The following TTLL11 variants were observed in gnomAD, a reference collection of about 807,000 sequenced individuals.
TTLL11 encodes tubulin polyglutamylase TTLL11.
A neutral mutation model predicts 51.7 loss-of-function variants in TTLL11; 42 were observed. The observed-to-expected ratio is 0.81, with a 90% CI of 0.64 to 1.05. The LOEUF is 1.05. Among genes scored for constraint, TTLL11 ranks in the 50% least tolerant of loss-of-function variants. The pLI is 0.00. For missense variants in TTLL11, 799 were observed against 940.4 expected, an observed-to-expected ratio of 0.85 and a Z score of 1.97; for synonymous variants, 381 against 383.5, an observed-to-expected ratio of 0.99 and a Z score of 0.08.
intron 8 of TTLL11, among the ~76,000 whole-genome samples, chr9:121,850,886 C>T (rs1323834245): frequency 4.6e-5 from 7 of 152,182 alleles, no homozygotes; most frequent in Non-Finnish European, 7.3e-5. Flanking sequence ...ACAAAACCCA[C>T]GCACGAATGT....
At chr9:121,969,438 G>A (rs887541089) in intron 6 of TTLL11, among the ~76,000 whole-genome samples, 8 of 152,064 alleles carry the variant, frequency 5.3e-5, no homozygotes, top group African/African-American at 1.9e-4. Flanking sequence ...AGAGTTCAGG[G>A]AGATGCATGA....
intron 8 of TTLL11, among the ~76,000 whole-genome samples, chr9:121,839,418 G>A (rs773113103): frequency 2.0e-5 from 3 of 152,118 alleles, no homozygotes; most frequent in Non-Finnish European, 1.5e-5. Context: ...TACACATTGC[G>A]GGGTGATCTT....
rs895092396 is a variant in TTLL11, at chr9:121,821,312, C to A, written c.*1275G>T. 5.9e-5 allele frequency among the ~76,000 whole-genome samples: 9 copies of A among 152,132 alleles called. No homozygotes were observed. The highest frequency in any genetic ancestry group is 2.2e-4 in the African/African-American group (9 of 41,414). ...CAGAACCCTCCCTTGCCACGCACTA[C>A]GAGCATTTTCTGAGTCCTACAGTGC... On this transcript the variant is annotated 3_prime_UTR_variant, in exon 9 of 9. Transcript: ENST00000321582. This position sits in a 1 kb window ranked among gnomAD's most constrained non-coding sequence, Gnocchi z 5.0.
At chr9:121,826,183 C>CATATAT (rs1564259884) in intron 8 of TTLL11, among the ~76,000 whole-genome samples, 18 of 3,948 alleles carry the variant, frequency 4.6e-3, no homozygotes, top group East Asian at 0.029. Flanking sequence ...TAACCAGTAA[C>CATATAT]CTATATATAT....
intron 6 of TTLL11, among the ~76,000 whole-genome samples, chr9:121,899,620 T>A (rs1162181313): frequency 6.6e-6 from 1 of 151,812 alleles, no homozygotes; most frequent in African/African-American, 2.4e-5. Context: ...CCCAGGCTGG[T>A]CTTGAACTCC....
intron 3 of TTLL11, among the ~76,000 whole-genome samples, chr9:122,003,351 T>C (rs1309334207): frequency 6.6e-6 from 1 of 152,012 alleles, no homozygotes; most frequent in Non-Finnish European, 1.5e-5. Context: ...TAATGTCATA[T>C]ATAAGATATG....
intron 1 of TTLL11, among the ~76,000 whole-genome samples, chr9:122,061,847 A>G (rs1845441820): frequency 1.3e-5 from 2 of 152,148 alleles, no homozygotes; most frequent in Non-Finnish European, 2.9e-5. Flanking sequence ...CACATTGGCC[A>G]GGCTGGTCTT....
chr9:121,828,455 A>G (rs1836893692), intron 8 of TTLL11, among the ~76,000 whole-genome samples: 1 of 152,166 alleles, frequency 6.6e-6, no homozygotes, highest in Non-Finnish European at 1.5e-5. Flanking sequence ...TATTACAGGC[A>G]TGAGCCACCA....
intron 4 of TTLL11, among the ~76,000 whole-genome samples, chr9:121,983,378 G>T (rs1021265100): frequency 1.3e-5 from 2 of 152,192 alleles, no homozygotes; most frequent in Non-Finnish European, 2.9e-5. Context: ...CCAATCTGGA[G>T]CTCAAGGAAA....
chr9:121,859,329 G>GA (rs5900501), intron 8 of TTLL11, among the ~76,000 whole-genome samples: 56 of 142,378 alleles, frequency 3.9e-4, no homozygotes, highest in Non-Finnish European at 3.7e-4. Context: ...TGTCTCTACT[G>GA]AAAAAAAAAA....
chr9:121,846,419 A>G (rs1355227581), intron 8 of TTLL11, among the ~76,000 whole-genome samples: 1 of 152,242 alleles, frequency 6.6e-6, no homozygotes, highest in Non-Finnish European at 1.5e-5. Context: ...TAGCAGCACC[A>G]TCAATCAACT....
intron 6 of TTLL11, among the ~76,000 whole-genome samples, chr9:121,876,515 T>C (rs1838571980): frequency 6.6e-6 from 1 of 152,144 alleles, no homozygotes; most frequent in Non-Finnish European, 1.5e-5. Flanking sequence ...GGCAGTGTGA[T>C]GATGAGTGAG....
rs546105988 is a variant in TTLL11 at position 122,053,930 on chromosome 9, C to G, written c.463-14562G>C. On this transcript the variant is annotated intron_variant, in intron 1 of 8. Coordinates refer to ENST00000321582, the MANE Select transcript of TTLL11 (RefSeq NM_001139442.2). Reference sequence around the variant, plus strand: ...CGCCGTCTGGCTCCAGTGGGTTTCCCGGGAACACAATAATTACTCATCCTC... The same window carrying G: ...CGCCGTCTGGCTCCAGTGGGTTTCCGGGGAACACAATAATTACTCATCCTC... 1.7e-4 allele frequency among the ~76,000 whole-genome samples: 26 copies of G among 152,128 alleles called. No individual in the cohort carries two copies. In the South Asian group the frequency reaches 5.4e-3, roughly 32 times the overall value.
rs7866273 is a variant in TTLL11 at position 121,890,430 on chromosome 9, T to G, written c.1482-19682A>C. ...TGTGTCCTTCATGTCATAGCCAAAA[T>G]CCCCAAGCCTGTCCCTGGCTCACTC... On this transcript the variant is annotated intron_variant, in intron 6 of 8. Coordinates refer to ENST00000321582, the MANE Select transcript of TTLL11 (RefSeq NM_001139442.2). This position sits in a 1 kb window ranked among gnomAD's most constrained non-coding sequence, Gnocchi z 4.3. Among the ~76,000 whole-genome samples, 107 of 152,034 alleles carry G rather than the reference T, an allele frequency of 7.0e-4. No individual in the cohort carries two copies. Among genetic ancestry groups the G allele is most frequent in the Non-Finnish European group, 1.5e-3 (99 of 68,008 alleles).
chr9:121,965,302 C>T (rs1842367359), intron 6 of TTLL11, among the ~76,000 whole-genome samples: 1 of 152,144 alleles, frequency 6.6e-6, no homozygotes, highest in South Asian at 2.1e-4. Flanking sequence ...GTTCTGCAGG[C>T]TTAACAGCAA....
intron 1 of TTLL11, among the ~76,000 whole-genome samples, chr9:122,042,990 T>G (rs1013850076): frequency 5.3e-5 from 8 of 152,218 alleles, no homozygotes; most frequent in Non-Finnish European, 1.2e-4. Context: ...GTGAAAATAC[T>G]CTGTGTGATA....
intron 2 of TTLL11, among the ~76,000 whole-genome samples, chr9:122,032,130 T>C (rs1025007146): frequency 6.6e-6 from 1 of 152,202 alleles, no homozygotes; most frequent in Admixed American, 6.5e-5. Context: ...TAGTTTATTC[T>C]TTTATTCTTT....
chr9:121,849,444 A>G (rs145563438), intron 8 of TTLL11, among the ~76,000 whole-genome samples: 63 of 152,342 alleles, frequency 4.1e-4, no homozygotes, highest in African/African-American at 1.4e-3. Flanking sequence ...CTCTGAAAAG[A>G]CATTGTTAAG....
chr9:121,965,423 A>T (rs975375555), intron 6 of TTLL11, among the ~76,000 whole-genome samples: 1 of 152,208 alleles, frequency 6.6e-6, no homozygotes, highest in Non-Finnish European at 1.5e-5. Flanking sequence ...GCTGCCACAC[A>T]GTTTTAAACC....
Sources: gnomAD v4.1 joint callset for allele counts (sites outside exome capture counted in the v4.1 genomes callset) on GRCh38, gnomAD v4.1.1 for gene constraint, Gnocchi (gnomAD v3.1) non-coding constraint, MANE v1.5 for transcripts, NCBI Gene and HGNC (gene_info 2026-07-23, HGNC 2026-07-21) for gene names.